Variants in MRPS6 observed in about 807,000 individuals in gnomAD.
MRPS6 encodes the protein mitochondrial ribosomal protein S6, also known as small ribosomal subunit protein bS6m.
Under a neutral mutation model 13.1 loss-of-function variants are expected in MRPS6, and 6 were observed. That is an observed-to-expected ratio of 0.46 (90% CI 0.25 to 0.91). The LOEUF is 0.91. MRPS6 is among the 40% of genes least tolerant of loss of function. The pLI is 0.18. For missense variants in MRPS6, 164 were observed against 155.6 expected (o/e 1.05, Z -0.29); for synonymous variants, 61 against 56.5 (o/e 1.08, Z -0.36).
At chr21:34,111,453 C>T (rs1315913601) in intron 1 of MRPS6, among the ~76,000 whole-genome samples, 1 of 152,166 alleles carries the variant, frequency 6.6e-6, no homozygotes, top group East Asian at 1.9e-4. Context: ...AGTGTTATCC[C>T]CTCCCCCACT....
At chr21:34,135,587 G>T in intron 2 of MRPS6, 1 of 424,558 alleles carries the variant, frequency 2.4e-6, no homozygotes, top group Non-Finnish European at 4.6e-6. Context: ...CCTGTGCACA[G>T]CAACCAGGTG....
chr21:34,079,526 C>G (rs1989410947), intron 1 of MRPS6, among the ~76,000 whole-genome samples: 1 of 151,490 alleles, frequency 6.6e-6, no homozygotes, highest in South Asian at 2.1e-4. Context: ...ACCTCTGCCT[C>G]CTGGGTTCAA....
chr21:34,121,840 T>G (rs559065802), intron 1 of MRPS6, among the ~76,000 whole-genome samples: 1 of 152,310 alleles, frequency 6.6e-6, no homozygotes, highest in Non-Finnish European at 1.5e-5. Flanking sequence ...TGAGGAACAT[T>G]GAAGTTGGCA....
At chr21:34,099,279 G>A (rs1162612410) in intron 1 of MRPS6, 1 of 1,000,092 alleles carries the variant, frequency 1.0e-6, no homozygotes, top group Non-Finnish European at 1.2e-6. Context: ...AGTTGAGGCT[G>A]CGACATGTCC....
intron 1 of MRPS6, among the ~76,000 whole-genome samples, chr21:34,116,741 A>G (rs902633339): frequency 1.3e-5 from 2 of 152,138 alleles, no homozygotes; most frequent in Non-Finnish European, 2.9e-5. Context: ...GTGCCGGCAC[A>G]ATGCTGAAAA....
chr21:34,098,421 T>A, intron 1 of MRPS6: 1 of 1,000,180 alleles, frequency 1.0e-6, no homozygotes, highest in African/African-American at 1.7e-5. Flanking sequence ...AGGGAAAATT[T>A]AATTCTGATA....
intron 1 of MRPS6, among the ~76,000 whole-genome samples, chr21:34,092,434 A>C (rs9981791): frequency 1 from 152,214 of 152,214 alleles, 76,107 homozygotes; most frequent in Non-Finnish European, 1. Flanking sequence ...TTTGAAGGAT[A>C]TGAGGAAGCC....
At chr21:34,087,367 A>G (rs1257460738) in intron 1 of MRPS6, among the ~76,000 whole-genome samples, 2 of 152,204 alleles carry the variant, frequency 1.3e-5, no homozygotes, top group African/African-American at 4.8e-5. Flanking sequence ...CGAAGAACTT[A>G]GTTGTTAATA....
chr21:34,141,500 A>G (rs1016864885), intron 2 of MRPS6, among the ~76,000 whole-genome samples: 2 of 152,194 alleles, frequency 1.3e-5, no homozygotes. Context: ...GCGAGTACAA[A>G]GGCCTGGGAG....
Position 34,090,657 on chromosome 21 carries a change from G to T in MRPS6, c.45+16912G>T, listed in dbSNP as rs77436920. On this transcript the variant is annotated intron_variant, in intron 1 of 2. Transcript: ENST00000399312. ...ATATTCAGGTTGTAGGGAGTAAACT[G>T]ACATTTACTGAGCCACCTCCCCATT... Among the ~76,000 whole-genome samples the T allele has an allele frequency of 2.9e-3, 442 of 152,294 alleles. 1 individual carries two copies. Among genetic ancestry groups the T allele is most frequent in the African/African-American group, 0.01 (426 of 41,536 alleles).
At chr21:34,085,039 C>G (rs753593996) in intron 1 of MRPS6, among the ~76,000 whole-genome samples, 2 of 152,152 alleles carry the variant, frequency 1.3e-5, no homozygotes, top group South Asian at 2.1e-4. Context: ...GACATTGATA[C>G]GATACTACCA....
intron 2 of MRPS6, among the ~76,000 whole-genome samples, chr21:34,129,756 C>T (rs1980435842): frequency 6.6e-6 from 1 of 152,132 alleles, no homozygotes; most frequent in African/African-American, 2.4e-5. Context: ...TGCCTTTCTG[C>T]CAGTGTTCTG....
chr21:34,134,684 A>G (rs1420770999), intron 2 of MRPS6, among the ~76,000 whole-genome samples: 1 of 152,036 alleles, frequency 6.6e-6, no homozygotes, highest in Non-Finnish European at 1.5e-5. Flanking sequence ...GCAACCACTG[A>G]TCTTTTTTCT....
In MRPS6 at chr21:34,142,529, A is replaced by G. The variant is rs779615211; in HGVS notation, c.307A>G (p.Lys103Glu). ...CAAACACCCTCTGACCCAGGAACTAAAAGAATGTGAAGGGATTGTCCCAGT... is the reference window on the plus strand; with the variant it reads ...CAAACACCCTCTGACCCAGGAACTAGAAGAATGTGAAGGGATTGTCCCAGT... ...IVKHPLTQELKECEGIVPVPL... is the reference protein window; with the variant it reads ...IVKHPLTQELEECEGIVPVPL... The change falls in exon 3 of 3, where the codon AAA becomes GAA. Residue 103 changes from lysine (K) to glutamate (E), a missense_variant. Lys to Glu is a moderately conservative substitution (Grantham distance 56, BLOSUM62 1). Transcript: ENST00000399312. 2 of 1,613,676 alleles carry G rather than the reference A, an allele frequency of 1.2e-6. No individual in the cohort carries two copies.
At chr21:34,131,480 G>A (rs776811378) in intron 2 of MRPS6, among the ~76,000 whole-genome samples, 37 of 152,138 alleles carry the variant, frequency 2.4e-4, no homozygotes, top group Non-Finnish European at 4.6e-4. Flanking sequence ...TGTTAGAATG[G>A]TTTCTCCATG....
At chr21:34,135,549 G>T in intron 2 of MRPS6, 1 of 488,790 alleles carries the variant, frequency 2.0e-6, no homozygotes, top group Non-Finnish European at 4.1e-6. Flanking sequence ...CAATGGTCAT[G>T]ATCTCCCGGA....
intron 2 of MRPS6, among the ~76,000 whole-genome samples, chr21:34,126,082 T>C (rs773437216): frequency 6.6e-6 from 1 of 152,176 alleles, no homozygotes; most frequent in African/African-American, 2.4e-5. Context: ...TCTCATGTTG[T>C]AGGATTTCCT....
At chr21:34,135,484 A>G (rs1980662231) in intron 2 of MRPS6, 10 of 501,342 alleles carry the variant, frequency 2.0e-5, no homozygotes, top group South Asian at 1.4e-4. Context: ...CTTGATGGCA[A>G]AGGAGTTGGA....
At chr21:34,084,471 C>T (rs1396814823) in intron 1 of MRPS6, among the ~76,000 whole-genome samples, 3 of 152,034 alleles carry the variant, frequency 2.0e-5, no homozygotes, top group Admixed American at 2.0e-4. Context: ...TTGAGGGAGG[C>T]TAGATGAGTT....
Sources: allele counts gnomAD v4.1 joint callset (sites outside exome capture counted in the v4.1 genomes callset), GRCh38; gene constraint gnomAD v4.1.1; transcripts MANE v1.5; gene names NCBI Gene and HGNC (gene_info 2026-07-23, HGNC 2026-07-21).